Variants in KLHL29 observed in about 807,000 individuals in gnomAD.
The protein encoded by KLHL29 is kelch-like protein 29.
Under a neutral mutation model 80.4 loss-of-function variants are expected in KLHL29, and 21 were observed. The observed-to-expected ratio is 0.26, with a 90% CI of 0.19 to 0.38. KLHL29 has a LOEUF of 0.38. KLHL29 is among the 10% of genes least tolerant of loss of function. KLHL29 has a pLI of 1.00. For synonymous variants in KLHL29, 511 were observed against 526.8 expected (o/e 0.97, Z 0.41); for missense variants, 867 against 1,223.9 (o/e 0.71, Z 4.35).
intron 2 of KLHL29, among the ~76,000 whole-genome samples, chr2:23,536,944 T>C (rs1666686396): frequency 6.7e-6 from 1 of 150,250 alleles, no homozygotes; most frequent in African/African-American, 2.5e-5. Flanking sequence ...TCTCGCTCTC[T>C]CTCTCTCCCT....
intron 1 of KLHL29, among the ~76,000 whole-genome samples, chr2:23,447,822 T>C (rs1663753997): frequency 6.6e-6 from 1 of 152,192 alleles, no homozygotes; most frequent in African/African-American, 2.4e-5. Flanking sequence ...TTATACCTTT[T>C]GCTGTGGAAA....
At chr2:23,484,904 A>G (rs6727500) in intron 2 of KLHL29, among the ~76,000 whole-genome samples, 119,152 of 151,526 alleles carry the variant, frequency 0.79, 47,002 homozygotes, top group East Asian at 0.92. Context: ...CCCGCTGAGC[A>G]AGTCTTCCAG....
Position 23,596,873 on chromosome 2 carries a change from T to G in KLHL29, c.285+34392T>G, listed in dbSNP as rs1213873007. On this transcript the variant is annotated intron_variant, in intron 3 of 13. Transcript: ENST00000486442. This position sits in a 1 kb window ranked among gnomAD's most constrained non-coding sequence, Gnocchi z 4.4. ...TTTTCCTCCTTCTTACTCATGGCAC[T>G]CATGTAAGTGCTACTTCTGGAGTGG... is the stretch of plus-strand genomic sequence containing the variant. 6.6e-6 allele frequency among the ~76,000 whole-genome samples: 1 copy of G among 152,198 alleles called. No homozygotes were observed. The highest frequency in any genetic ancestry group is 2.4e-5 in the African/African-American group (1 of 41,444).
At chr2:23,632,093 A>G (rs1000124092) in intron 3 of KLHL29, among the ~76,000 whole-genome samples, 5 of 152,174 alleles carry the variant, frequency 3.3e-5, no homozygotes, top group African/African-American at 9.7e-5. Flanking sequence ...CATTCCTCTA[A>G]CAAGTCTTCC....
intron 11 of KLHL29, among the ~76,000 whole-genome samples, chr2:23,699,095 C>CTT (rs1428306427): frequency 1.3e-5 from 2 of 152,354 alleles, no homozygotes; most frequent in East Asian, 3.9e-4. Context: ...CGCTGCTGCC[C>CTT]TTTGAGACAT....
chr2:23,424,024 A>C (rs1662932234), intron 1 of KLHL29, among the ~76,000 whole-genome samples: 1 of 152,090 alleles, frequency 6.6e-6, no homozygotes, highest in Non-Finnish European at 1.5e-5. Context: ...CACAGCCCTG[A>C]GGTGCTGCCT....
intron 3 of KLHL29, among the ~76,000 whole-genome samples, chr2:23,591,536 T>C (rs1668260710): frequency 7.1e-6 from 1 of 140,602 alleles, no homozygotes; most frequent in African/African-American, 2.7e-5. Context: ...TGTCCCTGAC[T>C]CCTCCTGCTC....
At chr2:23,591,258 A>G (rs932560166) in intron 3 of KLHL29, among the ~76,000 whole-genome samples, 4 of 152,146 alleles carry the variant, frequency 2.6e-5, no homozygotes, top group African/African-American at 9.7e-5. Context: ...CCTTGGGGCA[A>G]TTTAGCTGTA....
intron 3 of KLHL29, among the ~76,000 whole-genome samples, chr2:23,588,627 C>T (rs1668176067): frequency 6.6e-6 from 1 of 152,252 alleles, no homozygotes; most frequent in South Asian, 2.1e-4. Flanking sequence ...GACATTGCCT[C>T]TCCCCTAACC....
chr2:23,570,158 C>A (rs1466092746), intron 3 of KLHL29, among the ~76,000 whole-genome samples: 4 of 152,216 alleles, frequency 2.6e-5, no homozygotes, highest in Admixed American at 2.6e-4. Context: ...GCCCTGAGAA[C>A]TGAGCAGAGC....
At chr2:23,485,162 A>G (rs1664901402) in intron 2 of KLHL29, among the ~76,000 whole-genome samples, 1 of 152,170 alleles carries the variant, frequency 6.6e-6, no homozygotes. Context: ...TGATGAATGG[A>G]AAAAGTCAGT....
chr2:23,679,945 G>A (rs1232390790), intron 5 of KLHL29, among the ~76,000 whole-genome samples: 2 of 152,208 alleles, frequency 1.3e-5, no homozygotes, highest in Non-Finnish European at 2.9e-5. Context: ...TGGGGTGCAA[G>A]GAGGCTTCGC....
chr2:23,666,295 G>A (rs1228199776), intron 5 of KLHL29, among the ~76,000 whole-genome samples: 1 of 152,202 alleles, frequency 6.6e-6, no homozygotes, highest in Admixed American at 6.5e-5. Flanking sequence ...CAAGCTGAGC[G>A]AGGATCCCCA....
At chr2:23,386,184 G>T (rs1190276705) in intron 1 of KLHL29, among the ~76,000 whole-genome samples, 2 of 152,060 alleles carry the variant, frequency 1.3e-5, no homozygotes, top group African/African-American at 2.4e-5. Context: ...GGCCCCGGCC[G>T]GGCAGGAGAC....
intron 2 of KLHL29, among the ~76,000 whole-genome samples, chr2:23,539,684 C>G (rs1401308896): frequency 6.6e-6 from 1 of 151,966 alleles, no homozygotes; most frequent in East Asian, 1.9e-4. Flanking sequence ...TCAAGTGACC[C>G]CTCTTCCTCA....
chr2:23,520,244 G>A (rs1216159376), intron 2 of KLHL29, among the ~76,000 whole-genome samples: 2 of 152,204 alleles, frequency 1.3e-5, no homozygotes, highest in Non-Finnish European at 2.9e-5. Context: ...ACGGGGTACA[G>A]GGCAGGGGTG....
At chr2:23,560,601 A>G (rs1424489306) in intron 2 of KLHL29, among the ~76,000 whole-genome samples, 4 of 152,212 alleles carry the variant, frequency 2.6e-5, no homozygotes, top group Admixed American at 2.0e-4. Context: ...TTTTTGTGTC[A>G]TGGTGTAAGC....
intron 2 of KLHL29, among the ~76,000 whole-genome samples, chr2:23,512,102 C>A (rs1185035768): frequency 6.6e-6 from 1 of 152,118 alleles, no homozygotes; most frequent in African/African-American, 2.4e-5. Context: ...GGCTGGGTGA[C>A]CTCAGCAAAT....
At chr2:23,419,124 G>T (rs1398883338) in intron 1 of KLHL29, among the ~76,000 whole-genome samples, 1 of 152,138 alleles carries the variant, frequency 6.6e-6, no homozygotes, top group Admixed American at 6.5e-5. Context: ...ATTAAAACAG[G>T]CCAAGTCAGA....
Sources: allele counts gnomAD v4.1 joint callset (sites outside exome capture counted in the v4.1 genomes callset), GRCh38; gene constraint gnomAD v4.1.1; non-coding constraint Gnocchi (gnomAD v3.1); transcripts MANE v1.5; gene names NCBI Gene and HGNC (gene_info 2026-07-23, HGNC 2026-07-21).